Variants in NBAS observed in about 807,000 individuals in gnomAD.
The protein encoded by NBAS is NBAS subunit of NRZ tethering complex.
NBAS carries 219 observed loss-of-function variants against 302.5 expected under a neutral mutation model. The observed-to-expected ratio is 0.72, with a 90% CI of 0.65 to 0.81. The LOEUF is 0.81. Ranked by LOEUF, NBAS falls within the 30% of genes least tolerant of loss-of-function variation. The pLI is 0.00. For synonymous variants in NBAS, 1,118 were observed against 1,021.6 expected, an observed-to-expected ratio of 1.09 and a Z score of -1.80; for missense variants, 2,932 against 2,841.6, an observed-to-expected ratio of 1.03 and a Z score of -0.72.
chr2:14,918,335 G>A, the NBAS span, among the ~76,000 whole-genome samples: 650 of 145,486 alleles, frequency 4.5e-3, 4 homozygotes, highest in Middle Eastern at 0.018. Context: ...AAAAAACAAT[G>A]TAATGGTGTT....
intron 21 of NBAS, among the ~76,000 whole-genome samples, chr2:15,437,584 G>A (rs1010498928): frequency 2.6e-5 from 4 of 152,142 alleles, no homozygotes; most frequent in Admixed American, 6.5e-5. Context: ...TCTGCAGGGC[G>A]AATAAGTCTA....
intron 22 of NBAS, among the ~76,000 whole-genome samples, chr2:15,426,744 G>A (rs1021102907): frequency 3.9e-5 from 6 of 152,004 alleles, no homozygotes; most frequent in East Asian, 1.9e-4. Context: ...TCCGTTTTCC[G>A]TATGTTTTGC....
At chr2:15,138,065 A>C in the NBAS span, among the ~76,000 whole-genome samples, 9 of 152,292 alleles carry the variant, frequency 5.9e-5, no homozygotes, top group African/African-American at 2.2e-4. Flanking sequence ...AGAATGGTCC[A>C]GCAAGTCCCT....
Position 15,482,483 on chromosome 2 carries a change from C to T in NBAS, c.1084-4194G>A, listed in dbSNP as rs116541388. On this transcript the variant is annotated intron_variant, in intron 12 of 51. Transcript: ENST00000281513. ...TTGATTAAGTAAATTTGTCATGCTT[C>T]TCTCGTTAACCTGTCTTTTGTTATA... 8.1e-3 allele frequency among the ~76,000 whole-genome samples: 1,233 copies of T among 152,242 alleles called. 14 individuals carry two copies. The highest frequency in any genetic ancestry group is 0.028 in the African/African-American group (1,165 of 41,542).
At chr2:14,850,146 G>A in the NBAS span, among the ~76,000 whole-genome samples, 1 of 134,942 alleles carries the variant, frequency 7.4e-6, no homozygotes, top group Non-Finnish European at 1.5e-5. Flanking sequence ...ATTGGATAAA[G>A]AGTCAAGACC....
At chr2:15,332,765 C>T (rs1306280201) in intron 35 of NBAS, among the ~76,000 whole-genome samples, 1 of 152,162 alleles carries the variant, frequency 6.6e-6, no homozygotes, top group Non-Finnish European at 1.5e-5. Flanking sequence ...AAATACAGTG[C>T]CTCCTCCTGG....
intron 38 of NBAS, among the ~76,000 whole-genome samples, chr2:15,324,133 G>A (rs1263438986): frequency 2.0e-5 from 3 of 152,184 alleles, no homozygotes; most frequent in Non-Finnish European, 4.4e-5. Flanking sequence ...TGCCATCGGA[G>A]AGCAACAGCC....
At chr2:14,883,514 A>G in the NBAS span, among the ~76,000 whole-genome samples, 2 of 152,316 alleles carry the variant, frequency 1.3e-5, no homozygotes, top group South Asian at 2.1e-4. Flanking sequence ...AGAAAAGGGA[A>G]GTGACTCCTG....
intron 40 of NBAS, among the ~76,000 whole-genome samples, chr2:15,297,449 T>C (rs983634450): frequency 4.6e-5 from 7 of 152,182 alleles, no homozygotes; most frequent in African/African-American, 1.7e-4. Flanking sequence ...AACTGAATCA[T>C]GGGGGCAGAC....
intron 40 of NBAS, among the ~76,000 whole-genome samples, chr2:15,304,686 G>A (rs371766230): frequency 6.6e-6 from 1 of 152,202 alleles, no homozygotes; most frequent in African/African-American, 2.4e-5. Flanking sequence ...GGACAAAGAC[G>A]ACTCTTGCTA....
intron 21 of NBAS, among the ~76,000 whole-genome samples, chr2:15,458,879 C>CA (rs5829505): frequency 7.0e-4 from 106 of 152,072 alleles, no homozygotes; most frequent in African/African-American, 2.4e-3. Flanking sequence ...TGAAAACAAG[C>CA]TAACTTAAGA....
the NBAS span, among the ~76,000 whole-genome samples, chr2:15,127,875 A>C: frequency 6.6e-6 from 1 of 152,044 alleles, no homozygotes; most frequent in Non-Finnish European, 1.5e-5. Flanking sequence ...CTGACCCCCA[A>C]CCCAGATGGG....
the NBAS span, among the ~76,000 whole-genome samples, chr2:14,973,912 G>C: frequency 6.6e-6 from 1 of 152,096 alleles, no homozygotes; most frequent in Non-Finnish European, 1.5e-5. Flanking sequence ...TCTTTCTCCA[G>C]CTTTGTCTCC....
chr2:15,025,150 A>G, the NBAS span, among the ~76,000 whole-genome samples: 129 of 152,196 alleles, frequency 8.5e-4, no homozygotes, highest in Non-Finnish European at 1.5e-3. Context: ...TATATGGTAT[A>G]AGAAAGAGGT....
At chr2:14,831,679 A>G in the NBAS span, among the ~76,000 whole-genome samples, 1 of 152,172 alleles carries the variant, frequency 6.6e-6, no homozygotes, top group African/African-American at 2.4e-5. Context: ...TCTTATGTAA[A>G]GCTGCTTTCG....
the NBAS span, among the ~76,000 whole-genome samples, chr2:14,849,541 C>A: frequency 1.3e-5 from 2 of 151,428 alleles, no homozygotes; most frequent in Admixed American, 1.3e-4. Flanking sequence ...CCCAACCTAG[C>A]AAGGCAGGCC....
chr2:15,249,598 T>C (rs933799733), intron 44 of NBAS, among the ~76,000 whole-genome samples: 1 of 152,172 alleles, frequency 6.6e-6, no homozygotes, highest in African/African-American at 2.4e-5. Context: ...CTTAAGCTGA[T>C]AAACAACTTC....
chr2:14,898,769 C>T, the NBAS span, among the ~76,000 whole-genome samples: 1 of 152,168 alleles, frequency 6.6e-6, no homozygotes, highest in African/African-American at 2.4e-5. Flanking sequence ...TGAGGCTTCC[C>T]CAGCCATGTG....
At chr2:15,416,813 G>GAAAAAAAAA (rs199927157) in intron 24 of NBAS, among the ~76,000 whole-genome samples, 1 of 74,922 alleles carries the variant, frequency 1.3e-5, no homozygotes. Flanking sequence ...CTGAAAAAAA[G>GAAAAAAAAA]AAAAAAAAAA....
Sources: allele counts gnomAD v4.1 joint callset (sites outside exome capture counted in the v4.1 genomes callset), GRCh38; gene constraint gnomAD v4.1.1; transcripts MANE v1.5; gene names NCBI Gene and HGNC (gene_info 2026-07-23, HGNC 2026-07-21).